FHIT: variants seen among roughly 807,000 people sequenced by gnomAD.
The protein encoded by FHIT is fragile histidine triad diadenosine triphosphatase, also known as bis(5'-adenosyl)-triphosphatase.
Under a neutral mutation model 17.9 loss-of-function variants are expected in FHIT, and 19 were observed. The ratio of observed to expected loss-of-function variants is 1.06; its 90% CI spans 0.74 to 1.56. The LOEUF is 1.56. Ranked by LOEUF, FHIT falls within the 40% of genes most tolerant of loss-of-function variation. The probability of loss-of-function intolerance (pLI) is 0.00; values close to 1 mark genes in which losing one functional copy is unlikely to be tolerated. For synonymous variants in FHIT, 81 were observed against 69.7 expected, an observed-to-expected ratio of 1.16 and a Z score of -0.81; for missense variants, 248 against 189.2, an observed-to-expected ratio of 1.31 and a Z score of -1.82.
intron 3 of FHIT, among the ~76,000 whole-genome samples, chr3:60,861,942 CAAAAA>C (rs36022063): frequency 1.2e-5 from 1 of 80,118 alleles, no homozygotes; most frequent in Non-Finnish European, 2.6e-5. Context: ...GACTCGGTCT[CAAAAA>C]AAAAAAAAAA....
chr3:60,561,396 G>A (rs564084264), intron 4 of FHIT, among the ~76,000 whole-genome samples: 1 of 152,076 alleles, frequency 6.6e-6, no homozygotes, highest in East Asian at 1.9e-4. Flanking sequence ...CCAAGTTATA[G>A]AAGTGGAGTC....
At chr3:60,945,412 T>C (rs1553775528) in intron 3 of FHIT, among the ~76,000 whole-genome samples, 1 of 108,244 alleles carries the variant, frequency 9.2e-6, no homozygotes, top group East Asian at 3.7e-4. Flanking sequence ...TGTTTTGCTT[T>C]GATAGAGTCT....
chr3:61,102,040 C>T (rs1438001062), intron 2 of FHIT, among the ~76,000 whole-genome samples: 1 of 152,112 alleles, frequency 6.6e-6, no homozygotes, highest in African/African-American at 2.4e-5. Context: ...ATCAAATACC[C>T]TTTATTTCTT....
At chr3:59,931,422 T>C (rs1705965952) in intron 7 of FHIT, among the ~76,000 whole-genome samples, 1 of 152,176 alleles carries the variant, frequency 6.6e-6, no homozygotes, top group Non-Finnish European at 1.5e-5. Context: ...CTGGAAGTAA[T>C]GCCACTTACA....
chr3:59,822,777 T>G (rs1468708032), intron 8 of FHIT, among the ~76,000 whole-genome samples: 1 of 152,238 alleles, frequency 6.6e-6, no homozygotes, highest in African/African-American at 2.4e-5. Context: ...GACTGTTCCT[T>G]TTGCTGTGTA....
chr3:60,817,526 T>C (rs1349625607), intron 4 of FHIT, among the ~76,000 whole-genome samples: 9 of 152,060 alleles, frequency 5.9e-5, no homozygotes, highest in African/African-American at 2.2e-4. Context: ...GTTTTGCTTT[T>C]TTTTTTACCC....
intron 1 of FHIT, among the ~76,000 whole-genome samples, chr3:61,218,160 C>T (rs1326098203): frequency 1.3e-5 from 2 of 152,032 alleles, no homozygotes; most frequent in African/African-American, 4.8e-5. Context: ...ATGTGACTGT[C>T]CAGGGAGTCA....
At chr3:59,806,367 T>C (rs1212650702) in intron 8 of FHIT, among the ~76,000 whole-genome samples, 1 of 152,144 alleles carries the variant, frequency 6.6e-6, no homozygotes, top group African/African-American at 2.4e-5. Flanking sequence ...CACTTGACTA[T>C]GGCCACAAAG....
chr3:59,912,329 T>C (rs1009348736), intron 8 of FHIT, among the ~76,000 whole-genome samples: 2 of 152,174 alleles, frequency 1.3e-5, no homozygotes, highest in Non-Finnish European at 2.9e-5. Flanking sequence ...AGACACCGCA[T>C]GTGGATGGAA....
chr3:60,301,483 C>T (rs1216522280), intron 5 of FHIT, among the ~76,000 whole-genome samples: 1 of 152,124 alleles, frequency 6.6e-6, no homozygotes, highest in African/African-American at 2.4e-5. Flanking sequence ...TACACATAAA[C>T]TCTGTTCTAG....
intron 8 of FHIT, among the ~76,000 whole-genome samples, chr3:59,795,747 A>C (rs1699752463): frequency 6.6e-6 from 1 of 152,190 alleles, no homozygotes; most frequent in African/African-American, 2.4e-5. Flanking sequence ...AAATACAATT[A>C]ATAAATAAAA....
chr3:60,411,594 GTTGT>G (rs1702062525), intron 5 of FHIT, among the ~76,000 whole-genome samples: 1 of 152,144 alleles, frequency 6.6e-6, no homozygotes, highest in African/African-American at 2.4e-5. Flanking sequence ...TCAGCTGAAC[GTTGT>G]TTATTTCCCA....
At chr3:60,962,261 A>AT (rs545251781) in intron 3 of FHIT, among the ~76,000 whole-genome samples, 257 of 152,054 alleles carry the variant, frequency 1.7e-3, no homozygotes, top group Middle Eastern at 3.4e-3. Flanking sequence ...AATGCTTGTG[A>AT]TTTTTTGCAC....
chr3:60,786,166 CCTT>C (rs1559721209), intron 4 of FHIT, among the ~76,000 whole-genome samples: 2 of 152,154 alleles, frequency 1.3e-5, no homozygotes, highest in Non-Finnish European at 2.9e-5. Context: ...TCCCAGGCGT[CCTT>C]CTTCCTAACA....
chr3:60,564,361 C>T (rs1341577388), intron 4 of FHIT, among the ~76,000 whole-genome samples: 4 of 152,166 alleles, frequency 2.6e-5, no homozygotes, highest in South Asian at 2.1e-4. Context: ...ATGTTGTTTT[C>T]ACACTTGCTA....
At chr3:60,358,687 T>C (rs941945114) in intron 5 of FHIT, among the ~76,000 whole-genome samples, 1 of 152,220 alleles carries the variant, frequency 6.6e-6, no homozygotes, top group African/African-American at 2.4e-5. Flanking sequence ...AGGTCTATAC[T>C]TTCTAGTGCT....
At chr3:61,047,779 T>C (rs1009448945) in intron 2 of FHIT, among the ~76,000 whole-genome samples, 2 of 151,752 alleles carry the variant, frequency 1.3e-5, no homozygotes, top group African/African-American at 4.8e-5. Context: ...AAAACAGAGA[T>C]ATAGACCAAT....
At chr3:61,069,261 G>C (rs890203388) in intron 2 of FHIT, among the ~76,000 whole-genome samples, 1 of 152,134 alleles carries the variant, frequency 6.6e-6, no homozygotes, top group African/African-American at 2.4e-5. Context: ...TGCTCCACAA[G>C]GGGAAAGGTG....
chr3:60,372,388 G>A (rs944752784), intron 5 of FHIT, among the ~76,000 whole-genome samples: 1 of 152,030 alleles, frequency 6.6e-6, no homozygotes, highest in Non-Finnish European at 1.5e-5. Context: ...ATCTGATTGT[G>A]GCACATCCAT....
Sources: allele counts gnomAD v4.1 joint callset (sites outside exome capture counted in the v4.1 genomes callset), GRCh38; gene constraint gnomAD v4.1.1; transcripts MANE v1.5; gene names NCBI Gene and HGNC (gene_info 2026-07-23, HGNC 2026-07-21).